The following EXOC4 variants were observed in gnomAD, a reference collection of about 807,000 sequenced individuals.
EXOC4 encodes exocyst complex component 4.
EXOC4 carries 71 observed loss-of-function variants against 107.2 expected under a neutral mutation model. The ratio of observed to expected loss-of-function variants is 0.66; its 90% CI spans 0.55 to 0.81. EXOC4 has a LOEUF of 0.81. Ranked by LOEUF, EXOC4 falls within the 30% of genes least tolerant of loss-of-function variation. The pLI, the probability that EXOC4 is intolerant of heterozygous loss-of-function variation, is 0.00. For missense variants in EXOC4, 1,108 were observed against 1,189.6 expected, an observed-to-expected ratio of 0.93 and a Z score of 1.01; for synonymous variants, 456 against 441.2, an observed-to-expected ratio of 1.03 and a Z score of -0.42.
At chr7:133,673,621 C>G (rs147434470) in intron 10 of EXOC4, among the ~76,000 whole-genome samples, 5 of 152,322 alleles carry the variant, frequency 3.3e-5, no homozygotes, top group African/African-American at 1.2e-4. Flanking sequence ...CTGGCTCTGC[C>G]TTACCTTCCA....
At chr7:133,945,428 A>G (rs1051837115) in intron 14 of EXOC4, among the ~76,000 whole-genome samples, 8 of 152,206 alleles carry the variant, frequency 5.3e-5, no homozygotes, top group Admixed American at 1.3e-4. Flanking sequence ...TTCCCATTTT[A>G]CAGAGAAGAA....
At chr7:134,098,201 G>A in the EXOC4 span, among the ~76,000 whole-genome samples, 1 of 152,176 alleles carries the variant, frequency 6.6e-6, no homozygotes, top group Non-Finnish European at 1.5e-5. Flanking sequence ...TGGAATTAAA[G>A]CCTGCTGTGA....
chr7:133,871,155 G>A (rs1798742544), intron 11 of EXOC4, among the ~76,000 whole-genome samples: 1 of 152,002 alleles, frequency 6.6e-6, no homozygotes, highest in South Asian at 2.1e-4. Context: ...CAGGGTATCT[G>A]CATGCATCTA....
rs146474201 is a variant in EXOC4, at chr7:133,734,075, A to T, written c.1515-83250A>T. Among the ~76,000 whole-genome samples, 200 of 152,308 alleles carry T rather than the reference A, an allele frequency of 1.3e-3. 4 individuals carry two copies. The East Asian group carries it at 0.036, about 27-fold the overall frequency. On this transcript the variant is annotated intron_variant, in intron 10 of 17. Transcript: ENST00000253861. ...CTTTATTTCATTCCTGCTCAACTCA[A>T]TATATGGATTTTTATACAAACCATT...
At chr7:133,946,053 A>G (rs540528575) in intron 14 of EXOC4, among the ~76,000 whole-genome samples, 1 of 152,218 alleles carries the variant, frequency 6.6e-6, no homozygotes, top group South Asian at 2.1e-4. Flanking sequence ...TCGCTTCAGT[A>G]TTTACAAGTT....
At chr7:133,641,045 T>C (rs1055058754) in intron 10 of EXOC4, among the ~76,000 whole-genome samples, 2 of 152,158 alleles carry the variant, frequency 1.3e-5, no homozygotes, top group African/African-American at 4.8e-5. Context: ...ATATGTAGGC[T>C]AGTTTTTGGA....
At chr7:133,659,877 G>A (rs1191020772) in intron 10 of EXOC4, among the ~76,000 whole-genome samples, 1 of 152,158 alleles carries the variant, frequency 6.6e-6, no homozygotes, top group Non-Finnish European at 1.5e-5. Context: ...TGGAGAAACT[G>A]AGCAATTTGC....
At chr7:134,051,021 G>C (rs1361196988) in intron 17 of EXOC4, among the ~76,000 whole-genome samples, 1 of 152,140 alleles carries the variant, frequency 6.6e-6, no homozygotes, top group Non-Finnish European at 1.5e-5. Context: ...TAGACCTGGT[G>C]ACAACTGGAC....
chr7:133,898,149 A>G (rs1187136545), intron 12 of EXOC4, among the ~76,000 whole-genome samples: 1 of 152,134 alleles, frequency 6.6e-6, no homozygotes, highest in African/African-American at 2.4e-5. Context: ...TACATTTAAA[A>G]TAGTGATTTT....
chr7:133,272,676 C>T (rs1410220868), intron 1 of EXOC4, among the ~76,000 whole-genome samples: 2 of 151,962 alleles, frequency 1.3e-5, no homozygotes, highest in Non-Finnish European at 2.9e-5. Flanking sequence ...TCCTAGTTTA[C>T]ATCAAGAGGA....
chr7:133,397,568 A>T (rs903538466), intron 7 of EXOC4, among the ~76,000 whole-genome samples: 1 of 152,086 alleles, frequency 6.6e-6, no homozygotes, highest in Non-Finnish European at 1.5e-5. Context: ...CATGCTCAAT[A>T]ATGTCATAAA....
chr7:134,082,846 G>C, the EXOC4 span, among the ~76,000 whole-genome samples: 5 of 152,182 alleles, frequency 3.3e-5, no homozygotes, highest in African/African-American at 9.7e-5. Flanking sequence ...ATGCAGCCCA[G>C]TAGGTCTCAG....
At chr7:133,848,402 A>AAG (rs1798176912) in intron 11 of EXOC4, among the ~76,000 whole-genome samples, 1 of 152,186 alleles carries the variant, frequency 6.6e-6, no homozygotes, top group Non-Finnish European at 1.5e-5. Context: ...TCAACTTGCC[A>AAG]AGATTTGATA....
At chr7:133,295,419 G>A (rs76091837) in intron 3 of EXOC4, among the ~76,000 whole-genome samples, 455 of 152,184 alleles carry the variant, frequency 3.0e-3, no homozygotes, top group Non-Finnish European at 4.0e-3. Context: ...TGTTCATAGG[G>A]TACCCATTGA....
intron 15 of EXOC4, among the ~76,000 whole-genome samples, chr7:134,001,500 G>A (rs1405942113): frequency 6.6e-6 from 1 of 151,432 alleles, no homozygotes; most frequent in Non-Finnish European, 1.5e-5. Flanking sequence ...CTAATCACTT[G>A]GGAAGAAGAT....
intron 9 of EXOC4, among the ~76,000 whole-genome samples, chr7:133,495,316 G>C (rs1049821775): frequency 6.6e-6 from 1 of 151,166 alleles, no homozygotes; most frequent in Admixed American, 6.6e-5. Context: ...AATCTTTTCT[G>C]TTCTTTCTCC....
intron 9 of EXOC4, among the ~76,000 whole-genome samples, chr7:133,503,506 A>G (rs1321520463): frequency 3.9e-5 from 6 of 152,110 alleles, no homozygotes; most frequent in Non-Finnish European, 7.4e-5. Flanking sequence ...GTTGATGAAG[A>G]GTATCTATCA....
At chr7:133,565,530 T>A (rs1414879478) in intron 9 of EXOC4, among the ~76,000 whole-genome samples, 1 of 152,196 alleles carries the variant, frequency 6.6e-6, no homozygotes. Flanking sequence ...CTTCAGAGTT[T>A]TCGTGATTCA....
chr7:133,918,518 C>T (rs1023876634), intron 13 of EXOC4, among the ~76,000 whole-genome samples: 1 of 152,224 alleles, frequency 6.6e-6, no homozygotes, highest in African/African-American at 2.4e-5. Flanking sequence ...CTGGAAAATA[C>T]AAATGTGCTT....
Sources: allele counts gnomAD v4.1 joint callset (sites outside exome capture counted in the v4.1 genomes callset), GRCh38; gene constraint gnomAD v4.1.1; transcripts MANE v1.5; gene names NCBI Gene and HGNC (gene_info 2026-07-23, HGNC 2026-07-21).